CSMD1: variants seen among roughly 807,000 people sequenced by gnomAD.
CSMD1 encodes CUB and sushi domain-containing protein 1.
Under a neutral mutation model 417.5 loss-of-function variants are expected in CSMD1, and 213 were observed. That is an observed-to-expected ratio of 0.51 (90% CI 0.46 to 0.57). The LOEUF is 0.57. CSMD1 is among the 20% of genes least tolerant of loss of function. The pLI is 0.00. For missense variants in CSMD1, 6,923 were observed against 4,529.7 expected (o/e 1.53, Z -15.17); for synonymous variants, 2,862 against 1,736.8 (o/e 1.65, Z -16.11).
chr8:4,844,018 C>T (rs1210918760), intron 1 of CSMD1, among the ~76,000 whole-genome samples: 2 of 152,162 alleles, frequency 1.3e-5, no homozygotes, highest in Admixed American at 1.3e-4. Context: ...GAAGGATGCT[C>T]TCAGCCTGTA....
At chr8:3,149,669 C>A (rs1006673994) in intron 40 of CSMD1, among the ~76,000 whole-genome samples, 1 of 152,066 alleles carries the variant, frequency 6.6e-6, no homozygotes, top group African/African-American at 2.4e-5. Context: ...GTAGAGACGG[C>A]GTTTCATCAT....
intron 5 of CSMD1, among the ~76,000 whole-genome samples, chr8:3,994,829 C>T (rs1329215016): frequency 6.6e-6 from 1 of 152,138 alleles, no homozygotes; most frequent in Non-Finnish European, 1.5e-5. Flanking sequence ...TAAGGCTAAT[C>T]CTATTATTGT....
intron 2 of CSMD1, among the ~76,000 whole-genome samples, chr8:4,446,112 A>G (rs17070327): frequency 0.11 from 16,690 of 152,222 alleles, 1,255 homozygotes; most frequent in East Asian, 0.39. Context: ...GCAAGTTGTG[A>G]TTTTGTTGTT....
At chr8:4,416,843 T>A (rs1796969107) in intron 3 of CSMD1, among the ~76,000 whole-genome samples, 1 of 152,060 alleles carries the variant, frequency 6.6e-6, no homozygotes, top group South Asian at 2.1e-4. Flanking sequence ...GAGATTTTGA[T>A]AAAAGAAGAA....
chr8:3,566,624 A>G (rs1799723014), intron 10 of CSMD1, among the ~76,000 whole-genome samples: 1 of 152,198 alleles, frequency 6.6e-6, no homozygotes, highest in African/African-American at 2.4e-5. Flanking sequence ...CAAAGATATG[A>G]ACAGACACTT....
intron 5 of CSMD1, among the ~76,000 whole-genome samples, chr8:3,974,224 G>A (rs866195761): frequency 2.0e-5 from 3 of 151,380 alleles, no homozygotes; most frequent in Admixed American, 6.6e-5. Context: ...TTTCATAAGA[G>A]TTATTTTTAA....
intron 5 of CSMD1, among the ~76,000 whole-genome samples, chr8:3,757,382 C>T (rs28576351): frequency 0.2 from 29,940 of 152,088 alleles, 3,352 homozygotes; most frequent in South Asian, 0.29. Context: ...GGGTGTGTTC[C>T]AATAACACTT....
chr8:3,710,483 G>C (rs546522875), intron 6 of CSMD1, among the ~76,000 whole-genome samples: 4 of 152,156 alleles, frequency 2.6e-5, no homozygotes, highest in East Asian at 1.9e-4. Flanking sequence ...GGCAGTGATT[G>C]TTACTCTTTT....
At chr8:4,492,513 C>A (rs1801756839) in intron 2 of CSMD1, among the ~76,000 whole-genome samples, 2 of 152,256 alleles carry the variant, frequency 1.3e-5, no homozygotes, top group Non-Finnish European at 2.9e-5. Flanking sequence ...TAAACCACAT[C>A]TGATCATTAT....
At chr8:3,715,994 T>G (rs1801808858) in intron 6 of CSMD1, among the ~76,000 whole-genome samples, 1 of 152,184 alleles carries the variant, frequency 6.6e-6, no homozygotes, top group Non-Finnish European at 1.5e-5. Context: ...CTTCCCATTC[T>G]CTCTTAAATC....
At chr8:4,167,487 T>G (rs78224050) in intron 3 of CSMD1, among the ~76,000 whole-genome samples, 2,434 of 152,200 alleles carry the variant, frequency 0.016, 64 homozygotes, top group African/African-American at 0.054. Context: ...ATTAGAAAAA[T>G]TAAACCTATA....
At chr8:3,706,659 A>ATCAGATT (rs1801186049) in intron 7 of CSMD1, among the ~76,000 whole-genome samples, 1 of 152,162 alleles carries the variant, frequency 6.6e-6, no homozygotes, top group South Asian at 2.1e-4. Context: ...TGATGCCCAA[A>ATCAGATT]TGATCGGATA....
intron 10 of CSMD1, among the ~76,000 whole-genome samples, chr8:3,571,044 GT>G (rs1799921984): frequency 1.3e-5 from 2 of 152,210 alleles, no homozygotes; most frequent in South Asian, 4.1e-4. Context: ...AGTGGAAACT[GT>G]GGGTATTCCA....
At chr8:4,936,544 T>C (rs2117215628) in intron 1 of CSMD1, among the ~76,000 whole-genome samples, 1 of 152,344 alleles carries the variant, frequency 6.6e-6, no homozygotes, top group African/African-American at 2.4e-5. Flanking sequence ...AATAAATGTT[T>C]GGAGGTAGAA....
chr8:3,410,116 C>G (rs1210827006), intron 12 of CSMD1, among the ~76,000 whole-genome samples: 2 of 152,152 alleles, frequency 1.3e-5, no homozygotes, highest in African/African-American at 4.8e-5. Flanking sequence ...CAGAGGAAAA[C>G]AAAATATTCA....
chr8:4,569,125 T>C (rs945687940), intron 2 of CSMD1, among the ~76,000 whole-genome samples: 1 of 152,222 alleles, frequency 6.6e-6, no homozygotes, highest in African/African-American at 2.4e-5. Flanking sequence ...GTTTGTTTGC[T>C]GTGCAGAAGC....
At chr8:3,500,026 C>T (rs1257712750) in intron 10 of CSMD1, among the ~76,000 whole-genome samples, 1 of 152,118 alleles carries the variant, frequency 6.6e-6, no homozygotes, top group Admixed American at 6.5e-5. Flanking sequence ...GCCCTGAATA[C>T]AGGCATCTGG....
At chr8:4,742,485 C>G (rs1057264889) in intron 1 of CSMD1, among the ~76,000 whole-genome samples, 5 of 152,068 alleles carry the variant, frequency 3.3e-5, no homozygotes, top group African/African-American at 1.2e-4. Context: ...CACATACACG[C>G]ACACATACAT....
In CSMD1 at chr8:3,871,573, T is replaced by C. The variant is rs142613472; in HGVS notation, c.819-117531A>G. Among the ~76,000 whole-genome samples, 47 of 152,336 alleles carry C rather than the reference T, an allele frequency of 3.1e-4. No individual in the cohort carries two copies. The East Asian group carries it at 5.0e-3, about 16-fold the overall frequency. ...CTATTAGGTTATTATTATTGATTCA[T>C]AATTTTTATATATTAGGAATATTAG... On this transcript the variant is annotated intron_variant, in intron 5 of 69. Transcript: ENST00000635120.
Sources: gnomAD v4.1 joint callset for allele counts (sites outside exome capture counted in the v4.1 genomes callset) on GRCh38, gnomAD v4.1.1 for gene constraint, MANE v1.5 for transcripts, NCBI Gene and HGNC (gene_info 2026-07-23, HGNC 2026-07-21) for gene names.